Variants in TIGD4 observed in about 807,000 individuals in gnomAD.
The protein encoded by TIGD4 is tigger transposable element derived 4.
Under a neutral mutation model 24.9 loss-of-function variants are expected in TIGD4, and 20 were observed. That is an observed-to-expected ratio of 0.80 (90% CI 0.56 to 1.17). The LOEUF (loss-of-function observed/expected upper bound fraction) is 1.17. Ranked by LOEUF, TIGD4 falls within the 50% of genes most tolerant of loss-of-function variation. TIGD4 has a pLI of 0.00. For synonymous variants in TIGD4, 193 were observed against 211.0 expected (o/e 0.91, Z 0.74); for missense variants, 566 against 591.0 (o/e 0.96, Z 0.44).
chr4:152,773,262 C>A (rs1266682468), intron 1 of TIGD4, among the ~76,000 whole-genome samples: 2 of 152,130 alleles, frequency 1.3e-5, no homozygotes, highest in African/African-American at 4.8e-5. Flanking sequence ...AAACTTTTGC[C>A]AAAATTCTTC....
At chr4:152,773,741 G>A (rs757418981) in intron 1 of TIGD4, among the ~76,000 whole-genome samples, 1 of 150,354 alleles carries the variant, frequency 6.7e-6, no homozygotes, top group Non-Finnish European at 1.5e-5. Flanking sequence ...ATCTGTCAGC[G>A]AGGGCAAACC....
In TIGD4 at chr4:152,769,448, T is replaced by C. The variant is rs1366033151; in HGVS notation, c.*18A>G. 4.1e-6 allele frequency: 6 copies of C among 1,450,456 alleles called. No homozygotes were observed. Among genetic ancestry groups the C allele is most frequent in the Non-Finnish European group, 3.7e-6 (4 of 1,079,260 alleles). The allele number at this position is 1,450,456 out of a possible 1,614,324, so 89.8% of individuals were successfully genotyped here. On this transcript the variant is annotated 3_prime_UTR_variant, in exon 2 of 2. Coordinates refer to ENST00000304337, the MANE Select transcript of TIGD4 (RefSeq NM_145720.4). ...TGTATCAGGAAAAGCTATTACTCTTTAGATGTACAATACATAGTTACTTAG... is the reference window on the plus strand; with the variant it reads ...TGTATCAGGAAAAGCTATTACTCTTCAGATGTACAATACATAGTTACTTAG...
rs147634117 is a variant in TIGD4, at chr4:152,770,057, T to G, written c.948A>C (p.Ile316=). Residue 316 remains isoleucine, a synonymous_variant, in exon 2 of 2, where the codon ATA becomes ATC. Transcript: ENST00000304337. ...TTTTAATAACACCTTGTTTCATAGCTATACATTTGGAAGATAAACATGATG... is the reference window on the plus strand; with the variant it reads ...TTTTAATAACACCTTGTTTCATAGCGATACATTTGGAAGATAAACATGATG... The part of the protein sequence containing the change: ...FFPSCLSSKC[I]AMKQGVIKSL... 55 of 1,613,798 alleles carry G rather than the reference T, an allele frequency of 3.4e-5. No individual in the cohort carries two copies. Among genetic ancestry groups the G allele is most frequent in the Non-Finnish European group, 4.2e-5 (50 of 1,179,812 alleles).
chr4:152,770,063 T>C lies in TIGD4; in HGVS notation c.942A>G (p.Lys314=), dbSNP rs1053710153. The change falls in exon 2 of 2, where the codon AAA becomes AAG. Residue 314 remains lysine (K), a synonymous_variant. Transcript: ENST00000304337. The part of the protein sequence containing the change: ...LAFFPSCLSS[K]CIAMKQGVIK... Reference sequence around the variant, plus strand: ...TAACACCTTGTTTCATAGCTATACATTTGGAAGATAAACATGATGGAAAGA... The same window carrying C: ...TAACACCTTGTTTCATAGCTATACACTTGGAAGATAAACATGATGGAAAGA... The C allele has an allele frequency of 3.7e-6, 6 of 1,613,832 alleles. No homozygotes were observed. Among genetic ancestry groups the C allele is most frequent in the Admixed American group, 3.3e-5 (2 of 59,996 alleles).
chr4:152,777,358 T>A (rs1239492815), intron 1 of TIGD4, among the ~76,000 whole-genome samples: 1 of 152,176 alleles, frequency 6.6e-6, no homozygotes, highest in Non-Finnish European at 1.5e-5. Context: ...GAGTAGATAA[T>A]CTCCATGTCA....
intron 1 of TIGD4, among the ~76,000 whole-genome samples, chr4:152,772,180 T>C (rs762672603): frequency 6.6e-5 from 10 of 152,210 alleles, no homozygotes; most frequent in Non-Finnish European, 1.3e-4. Context: ...CAGTAACTTT[T>C]GTATTAATTT....
intron 1 of TIGD4, among the ~76,000 whole-genome samples, chr4:152,772,305 A>G (rs1387500331): frequency 6.6e-6 from 1 of 152,092 alleles, no homozygotes; most frequent in Non-Finnish European, 1.5e-5. Flanking sequence ...AAGGATAGTG[A>G]CCACAAGTCT....
intron 1 of TIGD4, 31 bp downstream of exon 1, chr4:152,779,450 CA>C (rs1327202534): frequency 6.6e-6 from 1 of 152,292 alleles, no homozygotes; most frequent in Non-Finnish European, 1.5e-5. Flanking sequence ...TTCTCCCTAC[CA>C]CCCCCACCTT....
At chr4:152,778,155 A>G (rs186975430) in intron 1 of TIGD4, among the ~76,000 whole-genome samples, 1 of 152,278 alleles carries the variant, frequency 6.6e-6, no homozygotes, top group African/African-American at 2.4e-5. Flanking sequence ...CACCTTTCCA[A>G]AATAAGAAAC....
In TIGD4 at chr4:152,776,583, C is replaced by G. The variant is rs1018402137; in HGVS notation, c.-539+2899G>C. On this transcript the variant is annotated intron_variant, in intron 1 of 1. Coordinates refer to ENST00000304337, the MANE Select transcript of TIGD4 (RefSeq NM_145720.4). Reference sequence around the variant, plus strand: ...TACTTTCCAAACTTAAGACAGCACTCACTCATTGTCTTCTACAGATAGATA... The same window carrying G: ...TACTTTCCAAACTTAAGACAGCACTGACTCATTGTCTTCTACAGATAGATA... Among the ~76,000 whole-genome samples, 9 of 152,164 alleles carry G rather than the reference C, an allele frequency of 5.9e-5. No individual in the cohort carries two copies. The South Asian group carries it at 8.3e-4, about 14-fold the overall frequency.
Position 152,769,642 on chromosome 4 carries a change from C to T in TIGD4, c.1363G>A (p.Asp455Asn). ...KSDETGFYTS[D>N]EEDDDGSPGT... Reference sequence around the variant, plus strand: ...GGAGATCCATCATCATCCTCTTCATCAGAAGTGTAAAATCCAGTTTCATCC... The same window carrying T: ...GGAGATCCATCATCATCCTCTTCATTAGAAGTGTAAAATCCAGTTTCATCC... Residue 455 changes from aspartate (D) to asparagine (N), a missense_variant, in exon 2 of 2, where the codon GAT (aspartate) becomes AAT (asparagine). Coordinates refer to ENST00000304337, the MANE Select transcript of TIGD4 (RefSeq NM_145720.4). The T allele has an allele frequency of 1.2e-6, 2 of 1,613,310 alleles. No homozygotes were observed. The highest frequency in any genetic ancestry group is 2.7e-5 in the African/African-American group (2 of 75,008).
At chr4:152,773,813 C>T (rs1164954409) in intron 1 of TIGD4, among the ~76,000 whole-genome samples, 1 of 152,012 alleles carries the variant, frequency 6.6e-6, no homozygotes, top group African/African-American at 2.4e-5. Flanking sequence ...TATGGGATCT[C>T]TTCTTATATT....
In TIGD4 at chr4:152,770,820, TTG is replaced by T; in HGVS notation, c.183_184del (p.Asp61GlufsTer7). 6.2e-7 allele frequency: 1 copy of T among 1,612,488 alleles called. No homozygotes were observed. Among genetic ancestry groups the T allele is most frequent in the Non-Finnish European group, 8.5e-7 (1 of 1,179,630 alleles). On this transcript the variant is annotated frameshift_variant, in exon 2 of 2. Coordinates refer to ENST00000304337, the MANE Select transcript of TIGD4 (RefSeq NM_145720.4). LOFTEE classifies it high-confidence loss of function. The stretch of plus-strand genomic sequence containing the variant: ...TAGAGATTCAAAGGCTTCTAGAACT[TTG>T]TCTTTATTCTTCATAATAGAAGACA...
chr4:152,770,688 T>G lies in TIGD4; in HGVS notation c.317A>C (p.Asn106Thr). 1 of 1,612,906 alleles carries G rather than the reference T, an allele frequency of 6.2e-7. No homozygotes were observed. Among genetic ancestry groups the G allele is most frequent in the Non-Finnish European group, 8.5e-7 (1 of 1,179,640 alleles). ...AGCTTTTAGACGTAACATCGGACCA[T>G]TAACTGGTACATTTAGACACTGAGC... ...RIAQCLNVPV[N>T]GPMLRLKAND... The change falls in exon 2 of 2, where the codon AAT (asparagine) becomes ACT (threonine). Residue 106 changes from asparagine to threonine, a missense_variant. Transcript: ENST00000304337.
rs1456275930 is a variant in TIGD4, at chr4:152,769,655, T to A, written c.1350A>T (p.Gly450=). The A allele has an allele frequency of 6.2e-7, 1 of 1,613,218 alleles. No individual in the cohort carries two copies. The highest frequency in any genetic ancestry group is 1.3e-5 in the African/African-American group (1 of 75,008). The change falls in exon 2 of 2, where the codon GGA becomes GGT. Residue 450 remains glycine (G), a synonymous_variant. Coordinates refer to ENST00000304337, the MANE Select transcript of TIGD4 (RefSeq NM_145720.4). The part of the protein sequence containing the change: ...CTKESKSDET[G]FYTSDEEDDD... ...CATCCTCTTCATCAGAAGTGTAAAA[T>A]CCAGTTTCATCCGATTTACTTTCTT...
intron 1 of TIGD4, among the ~76,000 whole-genome samples, chr4:152,773,743 G>A (rs917165439): frequency 1.3e-5 from 2 of 151,104 alleles, no homozygotes; most frequent in African/African-American, 2.4e-5. Flanking sequence ...CTGTCAGCGA[G>A]GGCAAACCTA....
intron 1 of TIGD4, among the ~76,000 whole-genome samples, chr4:152,777,841 T>C (rs182979952): frequency 1.4e-3 from 210 of 152,192 alleles, no homozygotes; most frequent in Non-Finnish European, 2.2e-3. Flanking sequence ...ATGTATAGAA[T>C]TCCACTATTT....
rs769987198 is a variant in TIGD4, at chr4:152,770,690, A to G, written c.315T>C (p.Val105=). ...CTTTTAGACGTAACATCGGACCATTAACTGGTACATTTAGACACTGAGCAA... is the reference window on the plus strand; with the variant it reads ...CTTTTAGACGTAACATCGGACCATTGACTGGTACATTTAGACACTGAGCAA... ...YRIAQCLNVP[V]NGPMLRLKAN... The change falls in exon 2 of 2, where the codon GTT becomes GTC. Residue 105 remains valine (V), a synonymous_variant. Coordinates refer to ENST00000304337, the MANE Select transcript of TIGD4 (RefSeq NM_145720.4). 2.5e-6 allele frequency: 4 copies of G among 1,612,882 alleles called. No individual in the cohort carries two copies. The highest frequency in any genetic ancestry group is 3.4e-6 in the Non-Finnish European group (4 of 1,179,646).
Position 152,769,512 on chromosome 4 carries a change from G to T in TIGD4, c.1493C>A (p.Ser498Tyr), listed in dbSNP as rs1186603628. Reference protein sequence around the residue: ...SQDMNDGLQNSLADLENFINS... With the variant: ...SQDMNDGLQNYLADLENFINS... Reference sequence around the variant, plus strand: ...AATAAAATTTTCAAGGTCTGCTAAAGAATTTTGAAGTCCGTCATTCATATC... The same window carrying T: ...AATAAAATTTTCAAGGTCTGCTAAATAATTTTGAAGTCCGTCATTCATATC... The change falls in exon 2 of 2, where the codon TCT becomes TAT. Residue 498 changes from serine (S) to tyrosine (Y), a missense_variant. By Grantham distance (144) the Ser-to-Tyr change is moderately radical. Coordinates refer to ENST00000304337, the MANE Select transcript of TIGD4 (RefSeq NM_145720.4). 1 of 1,584,182 alleles carries T rather than the reference G, an allele frequency of 6.3e-7. No individual in the cohort carries two copies. Among genetic ancestry groups the T allele is most frequent in the Non-Finnish European group, 8.6e-7 (1 of 1,167,426 alleles).
Sources: gnomAD v4.1 joint callset for allele counts (sites outside exome capture counted in the v4.1 genomes callset) on GRCh38, gnomAD v4.1.1 for gene constraint, MANE v1.5 for transcripts, NCBI Gene and HGNC (gene_info 2026-07-23, HGNC 2026-07-21) for gene names.